Variants in ZFHX3 observed in about 807,000 individuals in gnomAD.
ZFHX3 encodes zinc finger homeobox protein 3.
In ZFHX3, 42 loss-of-function variants were observed where a neutral mutation model predicts 279.1. That is an observed-to-expected ratio of 0.15 (90% CI 0.12 to 0.19). ZFHX3 has a LOEUF of 0.19. Ranked by LOEUF, ZFHX3 falls within the 10% of genes least tolerant of loss-of-function variation. The pLI, the probability that ZFHX3 is intolerant of heterozygous loss-of-function variation, is 1.00. For synonymous variants in ZFHX3, 2,293 were observed against 1,957.8 expected (o/e 1.17, Z -4.52); for missense variants, 4,981 against 4,754.0 (o/e 1.05, Z -1.40).
chr16:73,634,583 G>T (rs1366450028), intron 2 of ZFHX3, among the ~76,000 whole-genome samples: 1 of 151,746 alleles, frequency 6.6e-6, no homozygotes, highest in Non-Finnish European at 1.5e-5. Context: ...GTATCAGCAG[G>T]TTATTTAACC....
At chr16:73,185,119 A>C (rs549395089) in intron 5 of ZFHX3, among the ~76,000 whole-genome samples, 1 of 152,196 alleles carries the variant, frequency 6.6e-6, no homozygotes, top group Non-Finnish European at 1.5e-5. Context: ...CTGGGACTAC[A>C]TGTACCATCT....
intron 3 of ZFHX3, among the ~76,000 whole-genome samples, chr16:73,406,991 G>A (rs998669893): frequency 6.6e-5 from 10 of 152,198 alleles, no homozygotes; most frequent in African/African-American, 2.2e-4. Context: ...TTTTGGTGAT[G>A]CCCTCCTCCA....
At chr16:72,816,997 T>G (rs1445335372) in intron 5 of ZFHX3, among the ~76,000 whole-genome samples, 1 of 152,258 alleles carries the variant, frequency 6.6e-6, no homozygotes, top group East Asian at 1.9e-4. Context: ...GGAAGAGAGC[T>G]GATAAGCATT....
intron 3 of ZFHX3, among the ~76,000 whole-genome samples, chr16:73,424,324 G>A (rs142991496): frequency 8.5e-5 from 13 of 152,280 alleles, no homozygotes; most frequent in African/African-American, 3.1e-4. Flanking sequence ...CATGCAAGGT[G>A]CCCAACTCAG....
intron 2 of ZFHX3, among the ~76,000 whole-genome samples, chr16:73,620,573 T>C (rs1209169321): frequency 1.3e-5 from 2 of 152,238 alleles, no homozygotes; most frequent in Admixed American, 1.3e-4. Flanking sequence ...ACTTTCAGAA[T>C]TGATGCAGTT....
chr16:73,632,640 C>G (rs939993555), intron 2 of ZFHX3, among the ~76,000 whole-genome samples: 2 of 150,252 alleles, frequency 1.3e-5, no homozygotes, highest in South Asian at 2.1e-4. Flanking sequence ...GAGCTGAGAT[C>G]GCGCCACTGC....
chr16:73,332,182 C>T (rs1447680615), intron 3 of ZFHX3, among the ~76,000 whole-genome samples: 2 of 152,034 alleles, frequency 1.3e-5, no homozygotes, highest in African/African-American at 4.8e-5. Context: ...ATAATAAAAC[C>T]AGATGATGAT....
At chr16:73,499,843 G>A (rs1010695396) in intron 2 of ZFHX3, 1 of 152,156 alleles carries the variant, frequency 6.6e-6, no homozygotes, top group Admixed American at 6.5e-5. Flanking sequence ...AGATTACAAT[G>A]GCGCTGAAAA....
At chr16:73,133,279 TG>T (rs1275142128) in intron 6 of ZFHX3, among the ~76,000 whole-genome samples, 2 of 152,208 alleles carry the variant, frequency 1.3e-5, no homozygotes, top group African/African-American at 4.8e-5. Flanking sequence ...CCCAGCACTT[TG>T]GGAGGCTGAG....
chr16:72,866,076 G>GA (rs1185373991), intron 4 of ZFHX3, among the ~76,000 whole-genome samples: 1 of 151,910 alleles, frequency 6.6e-6, no homozygotes, highest in African/African-American at 2.4e-5. Context: ...TTGGAAGGAG[G>GA]AAAAAAAGGA....
chr16:73,591,360 A>G (rs1332182037), intron 2 of ZFHX3, among the ~76,000 whole-genome samples: 5 of 151,122 alleles, frequency 3.3e-5, no homozygotes, highest in African/African-American at 4.9e-5. Flanking sequence ...CTCAAAAACA[A>G]AAAACAAACA....
rs2144395322 is a variant in ZFHX3 at position 72,950,750 on chromosome 16, C to T, written c.2935G>A (p.Val979Met). 6.2e-7 allele frequency: 1 copy of T among 1,614,232 alleles called. No homozygotes were observed. Among genetic ancestry groups the T allele is most frequent in the Non-Finnish European group, 8.5e-7 (1 of 1,180,042 alleles). ...RSLSEDEWKA[V>M]MGDSYQCKLC... ...TTGCACTGGTATGAGTCCCCCATCACCGCCTTCCACTCGTCCTCCGACAGG... is the reference window on the plus strand; with the variant it reads ...TTGCACTGGTATGAGTCCCCCATCATCGCCTTCCACTCGTCCTCCGACAGG... Residue 979 changes from valine to methionine, a missense_variant, in exon 3 of 10, where the codon GTG (valine) becomes ATG (methionine). Val to Met is a conservative substitution (Grantham distance 21). This residue lies in a region of ZFHX3 where 1,751 missense variants were observed against 1,770.0 expected (regional missense o/e 0.99). Transcript: ENST00000268489.
intron 1 of ZFHX3, among the ~76,000 whole-genome samples, chr16:73,029,182 C>T (rs985956750): frequency 6.6e-6 from 1 of 152,136 alleles, no homozygotes; most frequent in East Asian, 1.9e-4. Flanking sequence ...AACAGGAGTC[C>T]TTTCAATGGC....
chr16:73,755,358 G>C (rs992506), intron 1 of ZFHX3, among the ~76,000 whole-genome samples: 22,234 of 152,074 alleles, frequency 0.15, 1,673 homozygotes, highest in African/African-American at 0.18. Context: ...GAAAATCCTG[G>C]AGTTTAAACT....
chr16:73,311,849 G>C (rs2015336194), intron 4 of ZFHX3, among the ~76,000 whole-genome samples: 1 of 152,120 alleles, frequency 6.6e-6, no homozygotes, highest in African/African-American at 2.4e-5. Context: ...AATTGTCAAA[G>C]GCAGGAGTAA....
At chr16:73,717,010 T>C (rs2053422570) in intron 1 of ZFHX3, among the ~76,000 whole-genome samples, 1 of 152,088 alleles carries the variant, frequency 6.6e-6, no homozygotes, top group Non-Finnish European at 1.5e-5. Context: ...ACATCCTTCT[T>C]TGGAAATGAG....
At chr16:73,619,546 A>C (rs1348788701) in intron 2 of ZFHX3, among the ~76,000 whole-genome samples, 1 of 150,336 alleles carries the variant, frequency 6.7e-6, no homozygotes, top group Admixed American at 6.6e-5. Flanking sequence ...CATTTCTTTC[A>C]ATAGCATTGC....
chr16:72,833,981 C>T (rs2143745264), intron 4 of ZFHX3, among the ~76,000 whole-genome samples: 1 of 152,306 alleles, frequency 6.6e-6, no homozygotes, highest in East Asian at 1.9e-4. Context: ...CATGGTGGCT[C>T]ATGTCTGTAA....
intron 3 of ZFHX3, among the ~76,000 whole-genome samples, chr16:73,328,796 T>C (rs1597286471): frequency 6.6e-6 from 1 of 152,358 alleles, no homozygotes; most frequent in African/African-American, 2.4e-5. Flanking sequence ...ATATTCCATT[T>C]GCTTCCTGTT....
Sources: gnomAD v4.1 joint callset for allele counts (sites outside exome capture counted in the v4.1 genomes callset) on GRCh38, gnomAD v4.1.1 for gene constraint, gnomAD v4.1.1 regional missense constraint, MANE v1.5 for transcripts, NCBI Gene and HGNC (gene_info 2026-07-23, HGNC 2026-07-21) for gene names.